Variants in TRPM1 observed in about 807,000 individuals in gnomAD.
The protein encoded by TRPM1 is transient receptor potential cation channel subfamily M member 1, also known as TRPM1-203 APA Isoform, Intron 10.
Under a neutral mutation model 149.4 loss-of-function variants are expected in TRPM1, and 113 were observed. The ratio of observed to expected loss-of-function variants is 0.76; its 90% confidence interval spans 0.65 to 0.88. The LOEUF (loss-of-function observed/expected upper bound fraction) is 0.88. Among genes scored for constraint, TRPM1 ranks in the 40% least tolerant of loss-of-function variants. The probability of loss-of-function intolerance (pLI) is 0.00; values close to 1 mark genes in which losing one functional copy is unlikely to be tolerated. For synonymous variants in TRPM1, 741 were observed against 759.5 expected, an observed-to-expected ratio of 0.98 and a Z score of 0.40; for missense variants, 1,976 against 2,038.7, an observed-to-expected ratio of 0.97 and a Z score of 0.59.
chr15:31,042,349 G>C, intron 16 of TRPM1, 106 bp from the exon 17 acceptor site: 1 of 1,144,634 alleles, frequency 8.7e-7, no homozygotes, highest in Non-Finnish European at 1.3e-6. Context: ...GTAATAAAGA[G>C]ACTTCTGAAG....
chr15:31,071,941 T>G (rs567072561), intron 3 of TRPM1, among the ~76,000 whole-genome samples: 81 of 134,866 alleles, frequency 6.0e-4, no homozygotes, highest in African/African-American at 2.2e-3. Context: ...TCCAGCGTGG[T>G]TGACAGAGTG....
At chr15:31,049,135 A>C (rs757247246) in intron 13 of TRPM1, among the ~76,000 whole-genome samples, 1 of 152,132 alleles carries the variant, frequency 6.6e-6, no homozygotes, top group Non-Finnish European at 1.5e-5. Flanking sequence ...ACCACCCTTA[A>C]ATGCGGGACA....
At chr15:31,149,777 C>T (rs540083051) in intron 1 of TRPM1, among the ~76,000 whole-genome samples, 3 of 152,282 alleles carry the variant, frequency 2.0e-5, no homozygotes, top group East Asian at 3.9e-4. Flanking sequence ...CCTTGGCCTC[C>T]CAAAGTGCTG....
intron 21 of TRPM1, 27 bp from the exon 22 acceptor site, chr15:31,032,967 A>T (rs2033164156): frequency 6.2e-7 from 1 of 1,613,662 alleles, no homozygotes; most frequent in Non-Finnish European, 8.5e-7. Flanking sequence ...AAGAACAATA[A>T]ACTGAGATGC....
intron 1 of TRPM1, among the ~76,000 whole-genome samples, chr15:31,157,505 A>G (rs937213522): frequency 1.3e-5 from 2 of 152,000 alleles, no homozygotes; most frequent in Non-Finnish European, 2.9e-5. Flanking sequence ...TTGAACTTTG[A>G]CTCTTGACTT....
chr15:31,120,804 G>A (rs1288920351), intron 1 of TRPM1, among the ~76,000 whole-genome samples: 1 of 150,906 alleles, frequency 6.6e-6, no homozygotes, highest in Non-Finnish European at 1.5e-5. Flanking sequence ...CTAAATAACA[G>A]GAGTCAAAGA....
Position 31,047,172 on chromosome 15 carries a change from C to G in TRPM1, c.1703G>C (p.Arg568Pro). Residue 568 changes from arginine (R) to proline (P), a missense_variant, in exon 15 of 28, where the codon CGC (arginine) becomes CCC (proline). Around this residue, in one of 3 missense-constraint regions of TRPM1, gnomAD observed 1,332 missense variants for 1,347.1 expected, o/e 0.99. Coordinates refer to ENST00000256552, the MANE Select transcript of TRPM1 (RefSeq NM_001252024.2). ...AAAGTTTTTCCGAGTGTAGTTGCAG[C>G]GGTAGGCTCCTCCCATGAGGTACTC... ...VLEYLMGGAY[R>P]CNYTRKNFRT... 1.2e-6 allele frequency: 2 copies of G among 1,614,214 alleles called. No homozygotes were observed. The highest frequency in any genetic ancestry group is 1.7e-6 in the Non-Finnish European group (2 of 1,180,040).
intron 1 of TRPM1, among the ~76,000 whole-genome samples, chr15:31,119,243 A>AAAATAAAT (rs71110839): frequency 0.39 from 57,908 of 148,030 alleles, 12,114 homozygotes; most frequent in East Asian, 0.68. Context: ...CTCCATCTCA[A>AAAATAAAT]AAATAAATAA....
At chr15:31,128,504 C>T (rs978913829) in intron 1 of TRPM1, among the ~76,000 whole-genome samples, 1 of 152,220 alleles carries the variant, frequency 6.6e-6, no homozygotes. Flanking sequence ...TGCCCAACAC[C>T]ACCCCCAAGC....
At chr15:31,147,991 TACAAA>T (rs905445458) in intron 1 of TRPM1, among the ~76,000 whole-genome samples, 2 of 151,834 alleles carry the variant, frequency 1.3e-5, no homozygotes, top group Non-Finnish European at 2.9e-5. Context: ...CCAATTAAAA[TACAAA>T]ACAAAACAAA....
chr15:31,093,823 C>T lies in TRPM1; in HGVS notation c.-84+7834G>A, dbSNP rs575634912. 3.3e-5 allele frequency among the ~76,000 whole-genome samples: 5 copies of T among 151,924 alleles called. No homozygotes were observed. The South Asian group carries it at 8.3e-4, about 25-fold the overall frequency. On this transcript the variant is annotated intron_variant, in intron 1 of 27. Coordinates refer to ENST00000256552, the MANE Select transcript of TRPM1 (RefSeq NM_001252024.2). ...TCACCATGTTGGCCAGGCTGGCCTC[C>T]GACTCCTGACCTCAAGTGATCTGCC...
At chr15:31,158,135 T>C (rs1252664784) in intron 1 of TRPM1, among the ~76,000 whole-genome samples, 1 of 152,262 alleles carries the variant, frequency 6.6e-6, no homozygotes, top group East Asian at 1.9e-4. Context: ...ACTTCTTAAG[T>C]GAGGGCTTTT....
At chr15:31,057,057 G>A (rs1436445079) in intron 11 of TRPM1, among the ~76,000 whole-genome samples, 1 of 152,226 alleles carries the variant, frequency 6.6e-6, no homozygotes, top group African/African-American at 2.4e-5. Context: ...GCCAGTCTCA[G>A]AGTGCAACGA....
chr15:31,143,015 G>A (rs2036179592), intron 1 of TRPM1, among the ~76,000 whole-genome samples: 2 of 152,138 alleles, frequency 1.3e-5, no homozygotes, highest in South Asian at 2.1e-4. Context: ...TTCTATAATG[G>A]ACTCTCAAAG....
Position 31,042,186 on chromosome 15 carries a change from T to A in TRPM1, c.1852A>T (p.Ile618Phe). The A allele has an allele frequency of 6.2e-7, 1 of 1,613,660 alleles. No individual in the cohort carries two copies. Among genetic ancestry groups the A allele is most frequent in the Non-Finnish European group, 8.5e-7 (1 of 1,179,806 alleles). ...GCAGGGTCGTCCACATCAATGTCGATCTCTTCCTCCTTTTTCTTCTTTTTC... is the reference window on the plus strand; with the variant it reads ...GCAGGGTCGTCCACATCAATGTCGAACTCTTCCTCCTTTTTCTTCTTTTTC... ...KKKKKKKEEE[I>F]DIDVDDPAVS... Residue 618 changes from isoleucine to phenylalanine, a missense_variant, in exon 17 of 28, where the codon ATC (isoleucine) becomes TTC (phenylalanine). Physicochemically the swap from Ile to Phe is conservative, Grantham distance 21. Transcript: ENST00000256552.
At chr15:31,152,503 C>T (rs748352681) in intron 1 of TRPM1, among the ~76,000 whole-genome samples, 3 of 152,196 alleles carry the variant, frequency 2.0e-5, no homozygotes, top group Admixed American at 6.5e-5. Flanking sequence ...GAATGGACCC[C>T]TCCTTTCAGC....
chr15:31,070,364 G>C, intron 3 of TRPM1, 138 bp from the exon 4 acceptor site: 1 of 832,006 alleles, frequency 1.2e-6, no homozygotes, highest in Non-Finnish European at 2.0e-6. Flanking sequence ...AGCGTTATTA[G>C]GGACAGAAAT....
intron 21 of TRPM1, among the ~76,000 whole-genome samples, chr15:31,034,367 C>A (rs1396991748): frequency 1.3e-5 from 2 of 152,224 alleles, no homozygotes; most frequent in African/African-American, 4.8e-5. Context: ...CCTCCCATAT[C>A]CCCTGGAGCT....
chr15:31,074,491 A>T (rs2034641865), intron 3 of TRPM1, among the ~76,000 whole-genome samples: 1 of 152,094 alleles, frequency 6.6e-6, no homozygotes, highest in South Asian at 2.1e-4. Context: ...TATAAGTCAT[A>T]GTATTCTTTC....
Sources: allele counts gnomAD v4.1 joint callset (sites outside exome capture counted in the v4.1 genomes callset), GRCh38; gene constraint gnomAD v4.1.1; regional missense constraint gnomAD v4.1.1; transcripts MANE v1.5; gene names NCBI Gene and HGNC (gene_info 2026-07-23, HGNC 2026-07-21).